Variants in JAZF1 observed in about 807,000 individuals in gnomAD.
JAZF1 encodes the protein juxtaposed with another zinc finger protein 1.
In JAZF1, 8 loss-of-function variants were observed where a neutral mutation model predicts 26.4. That is an observed-to-expected ratio of 0.30 (90% CI 0.18 to 0.55). The LOEUF (loss-of-function observed/expected upper bound fraction) is 0.55. Among genes scored for constraint, JAZF1 ranks in the 20% least tolerant of loss-of-function variants. The pLI is 0.94. For synonymous variants in JAZF1, 126 were observed against 122.3 expected (o/e 1.03, Z -0.20); for missense variants, 199 against 322.0 (o/e 0.62, Z 2.92).
At position 27,967,919 on chromosome 7, in the gene JAZF1, T is replaced by C. The variant is rs555316972; in HGVS notation, c.188+23990A>G. On this transcript the variant is annotated intron_variant, in intron 2 of 4. Transcript: ENST00000283928. ...TTTAAACAGTTTAACTGGTTGGCTG[T>C]TTCTACTAGCTAAACACACATCTAT... is the stretch of plus-strand genomic sequence containing the variant. Among the ~76,000 whole-genome samples, 3 of 152,368 alleles carry C rather than the reference T, an allele frequency of 2.0e-5. No homozygotes were observed. In the East Asian group the frequency reaches 5.8e-4, roughly 29 times the overall value.
At position 28,133,374 on chromosome 7, in the gene JAZF1, A is replaced by C. The variant is rs572274149; in HGVS notation, c.115+47089T>G. ...ACAAGGAAGGAGTATCACAACAGGG[A>C]AAGAAAATCCAAGAATCATAAGCCT... On this transcript the variant is annotated intron_variant, in intron 1 of 4. Coordinates refer to ENST00000283928, the MANE Select transcript of JAZF1 (RefSeq NM_175061.4). 2.0e-5 allele frequency among the ~76,000 whole-genome samples: 3 copies of C among 152,360 alleles called. No homozygotes were observed. In the East Asian group the frequency reaches 5.8e-4, roughly 29 times the overall value.
At chr7:27,932,104 CAAAGGAAA>C (rs1784696331) in intron 2 of JAZF1, among the ~76,000 whole-genome samples, 1 of 151,806 alleles carries the variant, frequency 6.6e-6, no homozygotes, top group Admixed American at 6.6e-5. Context: ...AGAAATAAGC[CAAAGGAAA>C]AGCGGGTAAA....
At chr7:27,886,935 A>G (rs1783877352) in intron 3 of JAZF1, among the ~76,000 whole-genome samples, 1 of 152,214 alleles carries the variant, frequency 6.6e-6, no homozygotes, top group Admixed American at 6.5e-5. Flanking sequence ...AAAGAATGAG[A>G]TCATGTACTT....
chr7:27,994,016 C>A (rs1785960076), intron 1 of JAZF1, among the ~76,000 whole-genome samples: 1 of 150,660 alleles, frequency 6.6e-6, no homozygotes, highest in Admixed American at 6.6e-5. Context: ...CTAAAGATTT[C>A]TTTTTTTCTC....
At chr7:28,086,800 A>G (rs1464108274) in intron 1 of JAZF1, among the ~76,000 whole-genome samples, 1 of 152,256 alleles carries the variant, frequency 6.6e-6, no homozygotes, top group Non-Finnish European at 1.5e-5. Context: ...AAAAGAATTA[A>G]TAAGTGTAAA....
At chr7:27,957,595 G>C (rs6969285) in intron 2 of JAZF1, among the ~76,000 whole-genome samples, 30,135 of 152,132 alleles carry the variant, frequency 0.2, 3,602 homozygotes, top group East Asian at 0.44. Context: ...ACCCAGCCCA[G>C]TTCCATTGAT....
At chr7:28,103,995 C>T (rs1204911729) in intron 1 of JAZF1, among the ~76,000 whole-genome samples, 1 of 152,174 alleles carries the variant, frequency 6.6e-6, no homozygotes, top group East Asian at 1.9e-4. Flanking sequence ...ACCTTATCTC[C>T]CCCTGCCCTC....
intron 2 of JAZF1, among the ~76,000 whole-genome samples, chr7:27,911,449 G>A (rs1431248551): frequency 6.6e-6 from 1 of 152,130 alleles, no homozygotes; most frequent in Non-Finnish European, 1.5e-5. Context: ...CCATAGGAAA[G>A]TTACAAAATG....
At chr7:27,843,244 T>C (rs1324020943) in intron 3 of JAZF1, 1 of 152,248 alleles carries the variant, frequency 6.6e-6, no homozygotes, top group Non-Finnish European at 1.5e-5. Flanking sequence ...AAGATGGACT[T>C]TTGTTTATAT....
intron 2 of JAZF1, among the ~76,000 whole-genome samples, chr7:27,920,778 T>C (rs1784515356): frequency 6.6e-6 from 1 of 152,148 alleles, no homozygotes; most frequent in African/African-American, 2.4e-5. Flanking sequence ...ATTACCATAA[T>C]ATAATGATTG....
chr7:27,894,349 G>A (rs1034261632), intron 3 of JAZF1, among the ~76,000 whole-genome samples: 1 of 152,174 alleles, frequency 6.6e-6, no homozygotes, highest in Non-Finnish European at 1.5e-5. Context: ...CTAGTTTCTT[G>A]AGACATGTAA....
At chr7:27,834,763 T>C (rs1782773693) in intron 4 of JAZF1, among the ~76,000 whole-genome samples, 1 of 152,160 alleles carries the variant, frequency 6.6e-6, no homozygotes, top group Non-Finnish European at 1.5e-5. Context: ...TTCAGATGAT[T>C]CTAGCCCCAA....
intron 1 of JAZF1, among the ~76,000 whole-genome samples, chr7:28,005,527 C>G (rs1248442000): frequency 1.3e-5 from 2 of 152,100 alleles, no homozygotes; most frequent in Non-Finnish European, 2.9e-5. Context: ...ACAGCTTACT[C>G]AGGTCAAATT....
chr7:27,871,587 A>G (rs1293878112), intron 3 of JAZF1, among the ~76,000 whole-genome samples: 3 of 152,244 alleles, frequency 2.0e-5, no homozygotes, highest in Non-Finnish European at 4.4e-5. Flanking sequence ...TAGTGTCATC[A>G]ATGTCCAAGA....
intron 1 of JAZF1, among the ~76,000 whole-genome samples, chr7:28,013,124 T>C (rs948752887): frequency 2.0e-5 from 3 of 152,106 alleles, no homozygotes; most frequent in Admixed American, 6.5e-5. Context: ...CAGTTTAATT[T>C]GATCTGGCAT....
At chr7:28,146,317 TG>T in intron 1 of JAZF1, among the ~76,000 whole-genome samples, 1 of 152,348 alleles carries the variant, frequency 6.6e-6, no homozygotes, top group Non-Finnish European at 1.5e-5. Flanking sequence ...ATTGATCGAT[TG>T]ATCAGTAAGT....
At chr7:27,906,536 ACCTTAATGAAAG>A (rs1381689643) in intron 2 of JAZF1, among the ~76,000 whole-genome samples, 1 of 152,216 alleles carries the variant, frequency 6.6e-6, no homozygotes, top group African/African-American at 2.4e-5. Flanking sequence ...TAGTCAATCT[ACCTTAATGAAAG>A]CTTGCTCAGG....
rs1182577528 is a variant in JAZF1 at position 28,109,499 on chromosome 7, A to G, written c.115+70964T>C. 2.0e-5 allele frequency among the ~76,000 whole-genome samples: 3 copies of G among 152,348 alleles called. 1 individual carries two copies. The highest frequency in any genetic ancestry group is 1.5e-5 in the Non-Finnish European group (1 of 68,042). ...TAACCCATAAACGCTCTCTCAAGGT[A>G]TATCAACCACCTGCCCAGGAAAAAA... On this transcript the variant is annotated intron_variant, in intron 1 of 4. Transcript: ENST00000283928.
intron 3 of JAZF1, among the ~76,000 whole-genome samples, chr7:27,877,365 C>T (rs1284048442): frequency 9.9e-5 from 15 of 152,046 alleles, no homozygotes; most frequent in South Asian, 4.2e-4. Flanking sequence ...TCTTTGGAAG[C>T]GAACATGGAA....
Sources: gnomAD v4.1 joint callset for allele counts (sites outside exome capture counted in the v4.1 genomes callset) on GRCh38, gnomAD v4.1.1 for gene constraint, MANE v1.5 for transcripts, NCBI Gene and HGNC (gene_info 2026-07-23, HGNC 2026-07-21) for gene names.